STXBP5L: variants seen among roughly 807,000 people sequenced by gnomAD.
STXBP5L encodes the protein syntaxin-binding protein 5-like.
A neutral mutation model predicts 144.5 loss-of-function variants in STXBP5L; 65 were observed. The ratio of observed to expected loss-of-function variants is 0.45; its 90% CI spans 0.37 to 0.55. The LOEUF (loss-of-function observed/expected upper bound fraction) is 0.55. STXBP5L is among the 20% of genes least tolerant of loss of function. The probability of loss-of-function intolerance (pLI) is 0.00; values close to 1 mark genes in which losing one functional copy is unlikely to be tolerated. For synonymous variants in STXBP5L, 505 were observed against 469.6 expected, an observed-to-expected ratio of 1.08 and a Z score of -0.97; for missense variants, 1,298 against 1,405.5, an observed-to-expected ratio of 0.92 and a Z score of 1.22.
chr3:121,349,007 A>T (rs370257565), intron 20 of STXBP5L, among the ~76,000 whole-genome samples: 2 of 151,900 alleles, frequency 1.3e-5, no homozygotes, highest in Non-Finnish European at 1.5e-5. Flanking sequence ...TAGCTTTTGA[A>T]TGTGTTTGCT....
At chr3:121,036,005 T>A (rs971415098) in intron 3 of STXBP5L, among the ~76,000 whole-genome samples, 3 of 152,152 alleles carry the variant, frequency 2.0e-5, no homozygotes, top group African/African-American at 2.4e-5. Flanking sequence ...TAATATATAA[T>A]TGGTCTTTGC....
chr3:121,162,031 A>G (rs1185081547), intron 9 of STXBP5L, among the ~76,000 whole-genome samples: 1 of 152,220 alleles, frequency 6.6e-6, no homozygotes, highest in African/African-American at 2.4e-5. Context: ...TACATGTAAC[A>G]GTAGAATTCT....
At chr3:121,201,172 G>T (rs2048122753) in intron 9 of STXBP5L, among the ~76,000 whole-genome samples, 1 of 151,968 alleles carries the variant, frequency 6.6e-6, no homozygotes, top group African/African-American at 2.4e-5. Flanking sequence ...TGGTATATTG[G>T]CTCATATCCC....
At chr3:121,285,088 TACTA>T (rs2051184143) in intron 19 of STXBP5L, among the ~76,000 whole-genome samples, 1 of 152,092 alleles carries the variant, frequency 6.6e-6, no homozygotes, top group African/African-American at 2.4e-5. Flanking sequence ...ATTAATTGCT[TACTA>T]ACTTTCAGAA....
chr3:121,270,874 A>G (rs1489664793), intron 18 of STXBP5L, among the ~76,000 whole-genome samples: 1 of 152,216 alleles, frequency 6.6e-6, no homozygotes, highest in Non-Finnish European at 1.5e-5. Context: ...TTTGGCAGGA[A>G]TACCACAGAA....
intron 2 of STXBP5L, among the ~76,000 whole-genome samples, chr3:120,910,149 G>A (rs540454968): frequency 9.8e-5 from 15 of 152,310 alleles, no homozygotes; most frequent in African/African-American, 2.9e-4. Flanking sequence ...CTACTAGCAT[G>A]TTGCTAGGAT....
At position 121,137,864 on chromosome 3, in the gene STXBP5L, C is replaced by T. The variant is rs149337959; in HGVS notation, c.670-14613C>T. 1.8e-3 allele frequency among the ~76,000 whole-genome samples: 281 copies of T among 152,124 alleles called. 2 individuals carry two copies. Among genetic ancestry groups the T allele is most frequent in the African/African-American group, 6.4e-3 (267 of 41,524 alleles). On this transcript the variant is annotated intron_variant, in intron 7 of 26. Coordinates refer to ENST00000471454, the MANE Select transcript of STXBP5L (RefSeq NM_001308330.2). ...AGTTAAAAACTTTTTTTCTGACATC[C>T]GGAACAAGGTAAGGATGTCCACTCT...
At chr3:121,354,669 T>C (rs1335621813) in intron 20 of STXBP5L, among the ~76,000 whole-genome samples, 1 of 152,166 alleles carries the variant, frequency 6.6e-6, no homozygotes, top group Non-Finnish European at 1.5e-5. Context: ...TGTGTCTTAA[T>C]TGGCACATTT....
At chr3:121,346,686 A>G (rs2045002047) in intron 20 of STXBP5L, among the ~76,000 whole-genome samples, 1 of 152,132 alleles carries the variant, frequency 6.6e-6, no homozygotes, top group Non-Finnish European at 1.5e-5. Flanking sequence ...TTTGATTTGC[A>G]TTGCTCTGAT....
intron 2 of STXBP5L, among the ~76,000 whole-genome samples, chr3:120,945,333 T>A (rs1017362909): frequency 2.6e-5 from 4 of 151,824 alleles, no homozygotes; most frequent in Admixed American, 1.3e-4. Context: ...ATAAAATAAA[T>A]GTATTTCATA....
chr3:121,283,889 GTGTGCT>G (rs1282898772), intron 19 of STXBP5L, among the ~76,000 whole-genome samples: 4,297 of 138,532 alleles, frequency 0.031, 188 homozygotes, highest in African/African-American at 0.11. Flanking sequence ...ACATTTGTGT[GTGTGCT>G]TGTGTGTGTG....
chr3:120,933,787 G>T (rs1576441869), intron 2 of STXBP5L, among the ~76,000 whole-genome samples: 1 of 152,100 alleles, frequency 6.6e-6, no homozygotes, highest in African/African-American at 2.4e-5. Context: ...TAGTGGACAA[G>T]AATTTAAATA....
At chr3:121,198,478 A>G (rs931280993) in intron 9 of STXBP5L, among the ~76,000 whole-genome samples, 2 of 152,088 alleles carry the variant, frequency 1.3e-5, no homozygotes, top group African/African-American at 4.8e-5. Context: ...GCAGAAACTC[A>G]TAAGTTTGAT....
chr3:120,933,818 G>T (rs1710100493), intron 2 of STXBP5L, among the ~76,000 whole-genome samples: 3 of 152,082 alleles, frequency 2.0e-5, no homozygotes, highest in Non-Finnish European at 4.4e-5. Flanking sequence ...GAAGAACTAG[G>T]ATTAAAGATC....
intron 9 of STXBP5L, among the ~76,000 whole-genome samples, chr3:121,196,359 A>G (rs2047919950): frequency 6.6e-6 from 1 of 151,746 alleles, no homozygotes; most frequent in South Asian, 2.1e-4. Context: ...GGCTGGTCTC[A>G]AACTTTTTAC....
intron 22 of STXBP5L, among the ~76,000 whole-genome samples, chr3:121,384,473 G>A (rs887761264): frequency 1.3e-5 from 2 of 152,076 alleles, no homozygotes; most frequent in African/African-American, 4.8e-5. Flanking sequence ...AGACCAGCCT[G>A]GGCAACACTG....
At chr3:121,346,242 G>T (rs996780765) in intron 20 of STXBP5L, among the ~76,000 whole-genome samples, 1 of 151,912 alleles carries the variant, frequency 6.6e-6, no homozygotes, top group East Asian at 1.9e-4. Flanking sequence ...TGAGAATGAT[G>T]GTTTCCAGCT....
intron 20 of STXBP5L, among the ~76,000 whole-genome samples, chr3:121,348,069 A>G (rs1327946978): frequency 8.5e-5 from 13 of 152,256 alleles, no homozygotes; most frequent in South Asian, 4.1e-4. Context: ...GTTTTTGCCC[A>G]TTCAGTATGA....
intron 3 of STXBP5L, among the ~76,000 whole-genome samples, chr3:121,020,896 G>T (rs116565315): frequency 4.7e-5 from 7 of 149,860 alleles, no homozygotes; most frequent in African/African-American, 1.7e-4. Context: ...ATAGCACAAT[G>T]AGTACAATAG....
Sources: allele counts gnomAD v4.1 joint callset (sites outside exome capture counted in the v4.1 genomes callset), GRCh38; gene constraint gnomAD v4.1.1; transcripts MANE v1.5; gene names NCBI Gene and HGNC (gene_info 2026-07-23, HGNC 2026-07-21).